Variants in ATP8A2 observed in about 807,000 individuals in gnomAD.
ATP8A2 encodes the protein phospholipid-transporting ATPase IB.
In ATP8A2, 100 loss-of-function variants were observed where a neutral mutation model predicts 165.6. The observed-to-expected ratio is 0.60, with a 90% CI of 0.51 to 0.71. The LOEUF is 0.71. Ranked by LOEUF, ATP8A2 falls within the 30% of genes least tolerant of loss-of-function variation. The probability of loss-of-function intolerance (pLI) is 0.00; values close to 1 mark genes in which losing one functional copy is unlikely to be tolerated. For synonymous variants in ATP8A2, 543 were observed against 548.8 expected, an observed-to-expected ratio of 0.99 and a Z score of 0.15; for missense variants, 1,227 against 1,479.5, an observed-to-expected ratio of 0.83 and a Z score of 2.80.
intron 25 of ATP8A2, among the ~76,000 whole-genome samples, chr13:25,755,104 T>C (rs1392210466): frequency 6.6e-6 from 1 of 152,230 alleles, no homozygotes; most frequent in African/African-American, 2.4e-5. Flanking sequence ...GAGACAATGT[T>C]TGTGACAGTT....
At chr13:25,642,831 A>G (rs1409988988) in intron 24 of ATP8A2, among the ~76,000 whole-genome samples, 1 of 152,248 alleles carries the variant, frequency 6.6e-6, no homozygotes, top group Non-Finnish European at 1.5e-5. Context: ...CAACAGTGAT[A>G]GACTGGATTA....
At chr13:25,512,492 G>T (rs112206577) in intron 2 of ATP8A2, among the ~76,000 whole-genome samples, 1 of 151,180 alleles carries the variant, frequency 6.6e-6, no homozygotes, top group East Asian at 2.0e-4. Flanking sequence ...CGGACGGGGC[G>T]GCTGGCTGGG....
intron 10 of ATP8A2, among the ~76,000 whole-genome samples, chr13:25,548,921 A>C (rs2038734224): frequency 6.6e-6 from 1 of 152,140 alleles, no homozygotes; most frequent in Non-Finnish European, 1.5e-5. Flanking sequence ...ATGTGGTATA[A>C]ATTTTTCTTG....
At chr13:25,775,298 AGGG>A (rs1055630807) in intron 27 of ATP8A2, among the ~76,000 whole-genome samples, 2 of 152,118 alleles carry the variant, frequency 1.3e-5, no homozygotes, top group Admixed American at 6.5e-5. Context: ...GCCCTTCCAC[AGGG>A]GTCAGATCCT....
At chr13:25,431,035 C>G (rs1566127166) in intron 1 of ATP8A2, among the ~76,000 whole-genome samples, 1 of 152,040 alleles carries the variant, frequency 6.6e-6, no homozygotes, top group Non-Finnish European at 1.5e-5. Context: ...CACACACACA[C>G]ATAATGGGTG....
chr13:25,703,131 G>A (rs1285879209), intron 25 of ATP8A2, among the ~76,000 whole-genome samples: 1 of 152,166 alleles, frequency 6.6e-6, no homozygotes, highest in Non-Finnish European at 1.5e-5. Flanking sequence ...CCAGGCTGGA[G>A]TGCAGTGGCG....
intron 25 of ATP8A2, among the ~76,000 whole-genome samples, chr13:25,744,097 T>C (rs376550424): frequency 5.1e-4 from 77 of 152,344 alleles, no homozygotes; most frequent in South Asian, 2.3e-3. Flanking sequence ...CATCTTCCAG[T>C]GTGTGCCTTG....
At chr13:25,468,595 C>T (rs2035736217) in intron 1 of ATP8A2, among the ~76,000 whole-genome samples, 1 of 152,288 alleles carries the variant, frequency 6.6e-6, no homozygotes, top group East Asian at 1.9e-4. Flanking sequence ...GCTGGGGGTG[C>T]CGCTGGCCTT....
rs1566229146 is a variant in ATP8A2, at chr13:25,531,254, A to ATATATATGATATATATGT, written c.420+611_420+612insTTATATATGATATATATG. Among the ~76,000 whole-genome samples the ATATATATGATATATATGT allele has an allele frequency of 2.2e-3, 42 of 18,810 alleles. 1 individual carries two copies. In the East Asian group the frequency reaches 0.064, roughly 29 times the overall value. The allele number at this position is 18,810 out of a possible 152,430, so 12.3% of individuals were successfully genotyped here. A position where few individuals can be genotyped will look rare whatever the true frequency, so the allele number is the denominator to read the frequency against. ...ATATATGATATATATGTTATATATG[A>ATATATATGATATATATGT]TATATATGATATATATGATATATAT... On this transcript the variant is annotated intron_variant, in intron 4 of 36. Transcript: ENST00000381655.
intron 1 of ATP8A2, among the ~76,000 whole-genome samples, chr13:25,416,016 T>C (rs569987209): frequency 2.0e-4 from 31 of 152,324 alleles, no homozygotes; most frequent in African/African-American, 7.0e-4. Context: ...TTTGTAGAGA[T>C]GAGGTCTTAC....
rs59431385 is a variant in ATP8A2, at chr13:25,591,133, A to ATGTGTGTG, written c.2211+1454_2211+1461dup. 191 of 297,522 alleles carry ATGTGTGTG rather than the reference A, an allele frequency of 6.4e-4. 1 individual carries two copies. The highest frequency in any genetic ancestry group is 1.9e-3 in the African/African-American group (82 of 44,214). 18.4% of individuals were successfully genotyped at this position (297,522 alleles called of 1,614,324 possible). On this transcript the variant is annotated intron_variant, in intron 24 of 36. Transcript: ENST00000381655. The stretch of plus-strand genomic sequence containing the variant: ...GGAACCTCTCATCATTGGAAATACT[A>ATGTGTGTG]TGTGTGTGTGTGTGTGTGTGTGTGT...
At chr13:25,628,618 T>G (rs2041161538) in intron 24 of ATP8A2, among the ~76,000 whole-genome samples, 1 of 151,960 alleles carries the variant, frequency 6.6e-6, no homozygotes, top group Non-Finnish European at 1.5e-5. Context: ...AGGCTAAAAG[T>G]CCAAAATCAA....
rs1242960480 is a variant in ATP8A2 at position 26,025,681 on chromosome 13, G to A, written c.*5696G>A. The A allele has an allele frequency of 3.3e-5, 5 of 152,148 alleles. No homozygotes were observed. The highest frequency in any genetic ancestry group is 7.3e-5 in the Non-Finnish European group (5 of 68,058). The allele number at this position is 152,148 out of a possible 1,614,324, so 9.4% of individuals were successfully genotyped here. A position where few individuals can be genotyped will look rare whatever the true frequency, so the allele number is the denominator to read the frequency against. On this transcript the variant is annotated 3_prime_UTR_variant, in exon 37 of 37. Transcript: ENST00000381655. ...AATGTCCTCTGGTTGTTAAATTACA[G>A]CAGCACATTACAGTGCACTGGGTTC...
At chr13:25,918,550 T>C (rs1566267880) in intron 33 of ATP8A2, among the ~76,000 whole-genome samples, 2 of 152,182 alleles carry the variant, frequency 1.3e-5, no homozygotes, top group Non-Finnish European at 2.9e-5. Flanking sequence ...CCAAAGGGGC[T>C]CTTAATTTGG....
rs192823854 is a variant in ATP8A2, at chr13:25,927,703, A to G, written c.3184-33872A>G. 1.9e-3 allele frequency among the ~76,000 whole-genome samples: 288 copies of G among 152,318 alleles called. 3 individuals carry two copies. The highest frequency in any genetic ancestry group is 8.5e-4 in the Non-Finnish European group (58 of 68,034). On this transcript the variant is annotated intron_variant, in intron 33 of 36. Coordinates refer to ENST00000381655, the MANE Select transcript of ATP8A2 (RefSeq NM_016529.6). ...TCCAGGCTGAATAAATCTGAACCTT[A>G]AAAAAGAATTGGCACATTGAATTTT...
intron 10 of ATP8A2, among the ~76,000 whole-genome samples, chr13:25,547,331 A>G (rs1030006694): frequency 4.6e-5 from 7 of 151,816 alleles, no homozygotes; most frequent in African/African-American, 1.7e-4. Context: ...ATCTGTATTT[A>G]CAGCAGCTCC....
In ATP8A2 at chr13:25,837,314, AC is replaced by A. The variant is rs765907807; in HGVS notation, c.2877+31del. ...AACAGAGTGTGATCTCAGAACTGTC[AC>A]CTCAGAAAGGCGTGGCTGTTTGATT... On this transcript the variant is annotated intron_variant, in intron 29 of 36. Transcript: ENST00000381655. The A allele has an allele frequency of 1.0e-4, 163 of 1,611,416 alleles. No individual in the cohort carries two copies. In the Admixed American group the frequency reaches 1.7e-3, roughly 17 times the overall value.
chr13:25,935,214 T>C (rs1027204603), intron 33 of ATP8A2, among the ~76,000 whole-genome samples: 1 of 152,210 alleles, frequency 6.6e-6, no homozygotes, highest in Non-Finnish European at 1.5e-5. Context: ...CTGAAGGACA[T>C]GTTGTCTCAG....
chr13:25,860,750 TG>T, intron 31 of ATP8A2, 53 bp from the exon 32 acceptor site: 1 of 1,387,572 alleles, frequency 7.2e-7, no homozygotes, highest in Non-Finnish European at 1.0e-6. Context: ...TCATGGAAAG[TG>T]AAAATAACTC....
Sources: gnomAD v4.1 joint callset for allele counts (sites outside exome capture counted in the v4.1 genomes callset) on GRCh38, gnomAD v4.1.1 for gene constraint, MANE v1.5 for transcripts, NCBI Gene and HGNC (gene_info 2026-07-23, HGNC 2026-07-21) for gene names.